The following HACL1 variants were observed in gnomAD, a reference collection of about 807,000 sequenced individuals.
HACL1 encodes 2-hydroxyacyl-CoA lyase 1.
A neutral mutation model predicts 74.2 loss-of-function variants in HACL1; 64 were observed. The ratio of observed to expected loss-of-function variants is 0.86; its 90% CI spans 0.70 to 1.06. The LOEUF is 1.06. HACL1 is among the 50% of genes least tolerant of loss of function. HACL1 has a pLI of 0.00. For missense variants in HACL1, 728 were observed against 719.7 expected, an observed-to-expected ratio of 1.01 and a Z score of -0.13; for synonymous variants, 230 against 238.8, an observed-to-expected ratio of 0.96 and a Z score of 0.34.
intron 2 of HACL1, among the ~76,000 whole-genome samples, chr3:15,596,827 ATTGT>A (rs763921347): frequency 2.6e-5 from 4 of 151,668 alleles, no homozygotes; most frequent in South Asian, 2.1e-4. Flanking sequence ...GTTTTTCTCT[ATTGT>A]TTGTTTTCTA....
intron 4 of HACL1, 121 bp downstream of exon 4, chr3:15,591,479 A>C: frequency 1.9e-6 from 1 of 537,636 alleles, no homozygotes; most frequent in African/African-American, 2.4e-5. Flanking sequence ...TTCAGTTTCT[A>C]AGAATTGAAG....
rs183319379 is a variant in HACL1, at chr3:15,599,712, T to C, written c.186+1378A>G. Among the ~76,000 whole-genome samples, 268 of 152,296 alleles carry C rather than the reference T, an allele frequency of 1.8e-3. 1 individual carries two copies. The highest frequency in any genetic ancestry group is 6.0e-3 in the African/African-American group (250 of 41,542). On this transcript the variant is annotated intron_variant, in intron 2 of 16. Coordinates refer to ENST00000321169, the MANE Select transcript of HACL1 (RefSeq NM_012260.4). Reference sequence around the variant, plus strand: ...ACTACATCTATTGTGAGAGTTATAATAGATGAGTCTTTTTCTGTAAGTCTT... The same window carrying C: ...ACTACATCTATTGTGAGAGTTATAACAGATGAGTCTTTTTCTGTAAGTCTT...
chr3:15,568,014 C>CT lies in HACL1; in HGVS notation c.1251-13_1251-12insA. 6.2e-7 allele frequency: 1 copy of CT among 1,613,752 alleles called. No homozygotes were observed. The highest frequency in any genetic ancestry group is 1.1e-5 in the South Asian group (1 of 91,066). ...TACCAGCATCAAGCCTGTTGGAGAA[C>CT]AAAGTTAAAATGAAACCCTCTGGGG... On this transcript the variant is annotated splice_polypyrimidine_tract_variant and intron_variant, in intron 13 of 16. Coordinates refer to ENST00000321169, the MANE Select transcript of HACL1 (RefSeq NM_012260.4).
chr3:15,579,881 T>C (rs1460948103), intron 9 of HACL1, 29 bp downstream of exon 9: 4 of 1,488,836 alleles, frequency 2.7e-6, no homozygotes, highest in East Asian at 2.5e-5. Flanking sequence ...TACCAAGCCA[T>C]TGTATTTAAA....
chr3:15,569,820 C>T (rs1374269078), intron 12 of HACL1, among the ~76,000 whole-genome samples: 1 of 145,528 alleles, frequency 6.9e-6, no homozygotes, highest in African/African-American at 2.5e-5. Context: ...GACTCCATCT[C>T]AAAAAAGAAA....
chr3:15,584,461 G>A (rs888802814), intron 7 of HACL1, among the ~76,000 whole-genome samples: 18 of 152,118 alleles, frequency 1.2e-4, no homozygotes, highest in Admixed American at 3.9e-4. Flanking sequence ...GGTGGCGGGC[G>A]CCTGTAATCC....
At position 15,582,172 on chromosome 3, in the gene HACL1, C is replaced by T. The variant is rs112916674; in HGVS notation, c.667+705G>A. 4.8e-3 allele frequency among the ~76,000 whole-genome samples: 731 copies of T among 152,224 alleles called. 3 individuals are homozygous for T. The highest frequency in any genetic ancestry group is 6.3e-3 in the Non-Finnish European group (426 of 68,012). ...TCCCAGCAGCCTCAGTTCCAGAACA[C>T]GAAATGGATACTATAATAAATTGCT... On this transcript the variant is annotated intron_variant, in intron 8 of 16. Transcript: ENST00000321169.
intron 7 of HACL1, 75 bp from the exon 8 acceptor site, chr3:15,583,064 A>C: frequency 1.4e-6 from 1 of 696,890 alleles, no homozygotes; most frequent in Non-Finnish European, 2.5e-6. Flanking sequence ...AAATATATAG[A>C]AAGGTAGAAA....
chr3:15,589,860 C>T (rs922062573), intron 4 of HACL1, among the ~76,000 whole-genome samples: 8 of 152,134 alleles, frequency 5.3e-5, no homozygotes, highest in African/African-American at 1.9e-4. Flanking sequence ...CATGGTGAAA[C>T]CCCAGCTCTA....
intron 16 of HACL1, 67 bp from the exon 17 acceptor site, chr3:15,560,964 T>C: frequency 8.4e-7 from 1 of 1,194,476 alleles, no homozygotes; most frequent in Non-Finnish European, 1.2e-6. Flanking sequence ...TCCTCATTGT[T>C]TCACTTGTTC....
At chr3:15,565,887 T>C (rs2063426895) in intron 14 of HACL1, among the ~76,000 whole-genome samples, 1 of 152,254 alleles carries the variant, frequency 6.6e-6, no homozygotes, top group South Asian at 2.1e-4. Context: ...CAGACTTTGT[T>C]CTTGTCATTA....
chr3:15,597,873 G>A (rs1486218310), intron 2 of HACL1, among the ~76,000 whole-genome samples: 1 of 152,042 alleles, frequency 6.6e-6, no homozygotes. Flanking sequence ...ACACCCAAAA[G>A]AATTGCCCAC....
chr3:15,592,634 A>G (rs865812223), intron 3 of HACL1, among the ~76,000 whole-genome samples: 1 of 26,964 alleles, frequency 3.7e-5, no homozygotes. Flanking sequence ...ATGTACGCAC[A>G]TGTGTGCGTG....
chr3:15,571,373 A>G (rs2063524709), intron 12 of HACL1, among the ~76,000 whole-genome samples: 1 of 152,164 alleles, frequency 6.6e-6, no homozygotes, highest in Admixed American at 6.5e-5. Context: ...AGTAACTCAC[A>G]AGCTACAACC....
rs773934690 is a variant in HACL1, at chr3:15,582,963, G to A, written c.581C>T (p.Pro194Leu). Residue 194 changes from proline to leucine, a missense_variant, in exon 8 of 17, where the codon CCT (proline) becomes CTT (leucine). Coordinates refer to ENST00000321169, the MANE Select transcript of HACL1 (RefSeq NM_012260.4). ...IKYMERCMSP[P>L]ISMAETSAVC... Reference sequence around the variant, plus strand: ...AGCAGAGGTTTCTGCCATGCTAATAGGAGGTGACATGCAGCGTTCCATGTA... The same window carrying A: ...AGCAGAGGTTTCTGCCATGCTAATAAGAGGTGACATGCAGCGTTCCATGTA... The A allele has an allele frequency of 1.2e-6, 2 of 1,608,174 alleles. No individual in the cohort carries two copies. Among genetic ancestry groups the A allele is most frequent in the South Asian group, 2.2e-5 (2 of 90,744 alleles).
chr3:15,590,809 G>A (rs533527181), intron 4 of HACL1, among the ~76,000 whole-genome samples: 35 of 152,324 alleles, frequency 2.3e-4, no homozygotes, highest in Admixed American at 6.5e-4. Context: ...AGCTGGGTGC[G>A]GTGGCTCATG....
In HACL1 at chr3:15,568,568, A is replaced by G. The variant is rs1559548281; in HGVS notation, c.1114T>C (p.Ser372Pro). 6.5e-7 allele frequency: 1 copy of G among 1,546,492 alleles called. No homozygotes were observed. The highest frequency in any genetic ancestry group is 1.9e-5 in the Admixed American group (1 of 53,628). ...ACTGTGTAATAATTCATAGGCAGGG[A>G]TTTTTTAGAAGCTAGTTCCTGAAAA... Reference protein sequence around the residue: ...AASKELASKKSLPMNYYTVFY... With the variant: ...AASKELASKKPLPMNYYTVFY... Residue 372 changes from serine to proline, a missense_variant, in exon 13 of 17, where the codon TCC becomes CCC. By Grantham distance (74) the Ser-to-Pro change is moderately conservative. Coordinates refer to ENST00000321169, the MANE Select transcript of HACL1 (RefSeq NM_012260.4).
At position 15,579,929 on chromosome 3, in the gene HACL1, C is replaced by A. The variant is rs1291411490; in HGVS notation, c.784G>T (p.Val262Leu). Residue 262 changes from valine to leucine, a missense_variant, in exon 9 of 17, where the codon GTA becomes TTA. Transcript: ENST00000321169. ...GVVPDNHPYC[V>L]GAARSRALQF... ...ACACACCTGGATCTGGCTGCACCTA[C>A]ACAGTATGGATGGTTGTCAGGGACA... is the stretch of plus-strand genomic sequence containing the variant. The A allele has an allele frequency of 3.1e-6, 5 of 1,610,950 alleles. No homozygotes were observed. Among genetic ancestry groups the A allele is most frequent in the Non-Finnish European group, 4.2e-6 (5 of 1,178,040 alleles).
At chr3:15,582,605 T>C (rs562832973) in intron 8 of HACL1, among the ~76,000 whole-genome samples, 1 of 152,334 alleles carries the variant, frequency 6.6e-6, no homozygotes, top group East Asian at 1.9e-4. Context: ...ACTTCTACTT[T>C]TCTTGATTTT....
Sources: gnomAD v4.1 joint callset for allele counts (sites outside exome capture counted in the v4.1 genomes callset) on GRCh38, gnomAD v4.1.1 for gene constraint, MANE v1.5 for transcripts, NCBI Gene and HGNC (gene_info 2026-07-23, HGNC 2026-07-21) for gene names.